The following CNTNAP5 variants were observed in gnomAD, a reference collection of about 807,000 sequenced individuals.
CNTNAP5 encodes the protein contactin associated protein family member 5.
CNTNAP5 carries 72 observed loss-of-function variants against 150.2 expected under a neutral mutation model. That is an observed-to-expected ratio of 0.48 (90% CI 0.40 to 0.58). The LOEUF is 0.58. Among genes scored for constraint, CNTNAP5 ranks in the 20% least tolerant of loss-of-function variants. The pLI is 0.00. For synonymous variants in CNTNAP5, 672 were observed against 619.8 expected (o/e 1.08, Z -1.25); for missense variants, 1,636 against 1,626.2 (o/e 1.01, Z -0.10).
intron 13 of CNTNAP5, among the ~76,000 whole-genome samples, chr2:124,701,557 A>G (rs1457204979): frequency 6.6e-6 from 1 of 152,086 alleles, no homozygotes; most frequent in Non-Finnish European, 1.5e-5. Context: ...AGGGATCACT[A>G]GGTTGTATGG....
intron 13 of CNTNAP5, among the ~76,000 whole-genome samples, chr2:124,699,046 A>G (rs1679464888): frequency 6.6e-6 from 1 of 152,174 alleles, no homozygotes; most frequent in African/African-American, 2.4e-5. Flanking sequence ...GCGATTTAAT[A>G]TTTAATTTTA....
intron 21 of CNTNAP5, among the ~76,000 whole-genome samples, chr2:124,896,532 A>C (rs1417863147): frequency 1.3e-5 from 2 of 150,002 alleles, no homozygotes; most frequent in African/African-American, 5.1e-5. Context: ...AGGAATATGG[A>C]AGTTCTTTTT....
At chr2:124,216,544 C>T (rs1686161531) in intron 1 of CNTNAP5, among the ~76,000 whole-genome samples, 1 of 152,064 alleles carries the variant, frequency 6.6e-6, no homozygotes, top group Non-Finnish European at 1.5e-5. Flanking sequence ...CCCACCTCCT[C>T]CCACCCCACA....
At position 124,506,656 on chromosome 2, in the gene CNTNAP5, T is replaced by A. The variant is rs571449804; in HGVS notation, c.1327+2100T>A. On this transcript the variant is annotated intron_variant, in intron 8 of 23. Coordinates refer to ENST00000682447, the MANE Select transcript of CNTNAP5 (RefSeq NM_001367498.1). ...CTCCTTCCTTTCCTGTGGCCCTGGA[T>A]AAACTTTGTCTCATATGCAAACTGA... Among the ~76,000 whole-genome samples, 5 of 152,346 alleles carry A rather than the reference T, an allele frequency of 3.3e-5. No homozygotes were observed. In the South Asian group the frequency reaches 1.0e-3, roughly 32 times the overall value.
intron 1 of CNTNAP5, among the ~76,000 whole-genome samples, chr2:124,165,402 G>A (rs1684788317): frequency 2.0e-5 from 3 of 152,246 alleles, no homozygotes; most frequent in Admixed American, 6.5e-5. Context: ...AGTAGCTGCC[G>A]CAAGGTTTTG....
intron 3 of CNTNAP5, among the ~76,000 whole-genome samples, chr2:124,273,896 G>A (rs1227023200): frequency 6.6e-6 from 1 of 152,114 alleles, no homozygotes; most frequent in Non-Finnish European, 1.5e-5. Context: ...AACTACATAT[G>A]TCCAGTTAGC....
intron 3 of CNTNAP5, among the ~76,000 whole-genome samples, chr2:124,340,408 G>A (rs1046535882): frequency 1.7e-4 from 26 of 152,190 alleles, no homozygotes; most frequent in African/African-American, 5.8e-4. Context: ...GTTGGGGAGC[G>A]GGGTAGGAAA....
intron 3 of CNTNAP5, among the ~76,000 whole-genome samples, chr2:124,370,469 T>C (rs1250304875): frequency 1.3e-5 from 2 of 152,120 alleles, no homozygotes; most frequent in African/African-American, 4.8e-5. Flanking sequence ...CAGAGTCACA[T>C]GGAAGACAAA....
At chr2:124,222,728 GTTT>G (rs200668983) in intron 2 of CNTNAP5, among the ~76,000 whole-genome samples, 15 of 139,158 alleles carry the variant, frequency 1.1e-4, no homozygotes, top group South Asian at 4.5e-4. Context: ...TGGTCGTTGT[GTTT>G]TTTTTTTTTT....
At chr2:124,310,610 G>T (rs1484654816) in intron 3 of CNTNAP5, among the ~76,000 whole-genome samples, 3 of 151,334 alleles carry the variant, frequency 2.0e-5, no homozygotes, top group African/African-American at 4.9e-5. Flanking sequence ...CTTTTGAAAA[G>T]CCTTTTTTTT....
At chr2:124,428,731 T>G (rs144839201) in intron 4 of CNTNAP5, among the ~76,000 whole-genome samples, 125 of 152,096 alleles carry the variant, frequency 8.2e-4, no homozygotes, top group African/African-American at 2.9e-3. Context: ...AATATGGACC[T>G]TTCAGGGCTA....
chr2:124,294,682 A>G (rs571406304), intron 3 of CNTNAP5, among the ~76,000 whole-genome samples: 7 of 152,334 alleles, frequency 4.6e-5, no homozygotes, highest in African/African-American at 1.7e-4. Context: ...TTGATGCTAA[A>G]TGCTATGCGC....
chr2:124,294,040 G>A (rs896584989), intron 3 of CNTNAP5, among the ~76,000 whole-genome samples: 3 of 152,134 alleles, frequency 2.0e-5, no homozygotes, highest in African/African-American at 7.2e-5. Flanking sequence ...AGGATGCATG[G>A]GGCTGGGAGA....
chr2:124,629,742 A>T (rs1013200933), intron 12 of CNTNAP5, among the ~76,000 whole-genome samples: 3 of 148,476 alleles, frequency 2.0e-5, no homozygotes, highest in Admixed American at 1.4e-4. Context: ...TATATGAAAA[A>T]CCCTTCAAAT....
chr2:124,810,382 G>T (rs1358378880), intron 19 of CNTNAP5, among the ~76,000 whole-genome samples: 2 of 152,118 alleles, frequency 1.3e-5, no homozygotes, highest in East Asian at 1.9e-4. Flanking sequence ...TGACAGGCTG[G>T]TTTTTTAATA....
rs1172596193 is a variant in CNTNAP5 at position 124,594,129 on chromosome 2, T to C, written c.1757-15672T>C. On this transcript the variant is annotated intron_variant, in intron 11 of 23. Transcript: ENST00000682447. Reference sequence around the variant, plus strand: ...GTAGTTTCTTTTGCTGTGCAGAAGCTCTTTAGTTTAATTAGATCCCATTTG... The same window carrying C: ...GTAGTTTCTTTTGCTGTGCAGAAGCCCTTTAGTTTAATTAGATCCCATTTG... Among the ~76,000 whole-genome samples, 777 of 129,626 alleles carry C rather than the reference T, an allele frequency of 6.0e-3. 9 individuals carry two copies. The highest frequency in any genetic ancestry group is 0.021 in the African/African-American group (733 of 34,472). The allele number at this position is 129,626 out of a possible 152,430, so 85.0% of individuals were successfully genotyped here. A position where few individuals can be genotyped will look rare whatever the true frequency, so the allele number is the denominator to read the frequency against.
chr2:124,255,510 C>T (rs1003688371), intron 3 of CNTNAP5, among the ~76,000 whole-genome samples: 6 of 148,728 alleles, frequency 4.0e-5, no homozygotes, highest in Non-Finnish European at 8.9e-5. Context: ...GGCAACAGAG[C>T]GAGACTCTGT....
intron 5 of CNTNAP5, 48 bp from the exon 6 acceptor site, chr2:124,446,705 G>A (rs199554706): frequency 6.3e-7 from 1 of 1,580,466 alleles, no homozygotes; most frequent in East Asian, 2.2e-5. Flanking sequence ...GGTGTGCAAA[G>A]CTGCCCTTGG....
intron 3 of CNTNAP5, among the ~76,000 whole-genome samples, chr2:124,295,532 T>G (rs1028979240): frequency 6.6e-6 from 1 of 152,266 alleles, no homozygotes; most frequent in Non-Finnish European, 1.5e-5. Context: ...GGAGACAAAA[T>G]TGAGTGTGGA....
Sources: allele counts gnomAD v4.1 joint callset (sites outside exome capture counted in the v4.1 genomes callset), GRCh38; gene constraint gnomAD v4.1.1; transcripts MANE v1.5; gene names NCBI Gene and HGNC (gene_info 2026-07-23, HGNC 2026-07-21).